CNTN2: variants seen among roughly 807,000 people sequenced by gnomAD.
CNTN2 encodes the protein contactin 2.
Under a neutral mutation model 117.5 loss-of-function variants are expected in CNTN2, and 53 were observed. The ratio of observed to expected loss-of-function variants is 0.45; its 90% CI spans 0.36 to 0.57. The LOEUF is 0.57. Ranked by LOEUF, CNTN2 falls within the 20% of genes least tolerant of loss-of-function variation. CNTN2 has a pLI of 0.00. For missense variants in CNTN2, 1,106 were observed against 1,404.3 expected (o/e 0.79, Z 3.39); for synonymous variants, 530 against 561.7 (o/e 0.94, Z 0.80).
intron 10 of CNTN2, 83 bp downstream of exon 10, chr1:205,062,652 C>G (rs1273657970): frequency 6.8e-7 from 1 of 1,474,884 alleles, no homozygotes; most frequent in Non-Finnish European, 9.1e-7. Flanking sequence ...TGTTTCCAAA[C>G]ACACATGCAC....
intron 19 of CNTN2, among the ~76,000 whole-genome samples, chr1:205,071,647 C>T (rs1654598432): frequency 6.6e-6 from 1 of 152,190 alleles, no homozygotes; most frequent in East Asian, 1.9e-4. Flanking sequence ...CGGTAGCCCC[C>T]CAAGTTAATG....
intron 10 of CNTN2, chr1:205,063,232 T>C (rs1268588515): frequency 6.6e-6 from 1 of 152,208 alleles, no homozygotes; most frequent in African/African-American, 2.4e-5. Flanking sequence ...AAAGATACGG[T>C]CTCTGCCTTT....
In CNTN2 at chr1:205,065,965, T is replaced by G; in HGVS notation, c.1816+56T>G. On this transcript the variant is annotated intron_variant, in intron 14 of 22. Transcript: ENST00000331830. This position sits in a 1 kb window ranked among gnomAD's most constrained non-coding sequence, Gnocchi z 4.1. ...CAACTCCCTTAAAACCCAGCTGGGC[T>G]GTTCTGACCTGCTCGCCTCATCTCC... The G allele has an allele frequency of 6.5e-7, 1 of 1,539,850 alleles. No homozygotes were observed. The highest frequency in any genetic ancestry group is 1.3e-5 in the South Asian group (1 of 78,584).
intron 21 of CNTN2, 70 bp from the exon 22 acceptor site, chr1:205,072,998 T>G: frequency 1.3e-6 from 2 of 1,553,344 alleles, no homozygotes; most frequent in Non-Finnish European, 1.8e-6. Flanking sequence ...TCCCAGTACC[T>G]AAAGCTGGGG....
chr1:205,053,063 C>G (rs16855008), intron 1 of CNTN2, 37 bp from the exon 2 acceptor site: 35,339 of 634,654 alleles, frequency 0.056, 1,729 homozygotes, highest in South Asian at 0.16. Context: ...AGGGGCGCTC[C>G]TCGGCTCAGA....
intron 1 of CNTN2, among the ~76,000 whole-genome samples, chr1:205,047,177 C>T (rs1336004004): frequency 2.0e-5 from 3 of 152,186 alleles, no homozygotes; most frequent in Admixed American, 2.0e-4. Context: ...CACGACACCC[C>T]TGGTCCCCAT....
At chr1:205,063,097 A>G (rs1654077974) in intron 10 of CNTN2, 1 of 152,314 alleles carries the variant, frequency 6.6e-6, no homozygotes, top group Non-Finnish European at 1.5e-5. Context: ...CAGTTTCCTC[A>G]TCCATAAAAT....
intron 9 of CNTN2, chr1:205,062,233 T>C: frequency 1.2e-6 from 1 of 823,972 alleles, no homozygotes; most frequent in Non-Finnish European, 1.8e-6. Flanking sequence ...TGGTCCTGAC[T>C]GGGTCACCTC....
In CNTN2 at chr1:205,076,293, T is replaced by C. The variant is rs1654860542; in HGVS notation, c.*2528T>C. On this transcript the variant is annotated 3_prime_UTR_variant, in exon 23 of 23. Transcript: ENST00000331830. ...ATTTCAGGTAGAGTACTGACTAAGG[T>C]TTAATAAGACAATAGGTGACCTGAG... 1 of 152,046 alleles carries C rather than the reference T, an allele frequency of 6.6e-6. No individual in the cohort carries two copies. Among genetic ancestry groups the C allele is most frequent in the African/African-American group, 2.4e-5 (1 of 41,384 alleles). 9.4% of individuals were successfully genotyped at this position (152,046 alleles called of 1,614,324 possible).
In CNTN2 at chr1:205,064,635, T is replaced by G; in HGVS notation, c.1404T>G (p.Thr468=). ...ILVNSSRVTV[T]PDGTLIIRNI... is the part of the protein sequence containing the mutation. ...GTCCTTGCCACAGAGTGACTGTAAC[T>G]CCAGATGGCACCTTGATCATAAGAA... The change falls in exon 12 of 23, where the codon ACT becomes ACG. Residue 468 remains threonine (T), a synonymous_variant. Coordinates refer to ENST00000331830, the MANE Select transcript of CNTN2 (RefSeq NM_005076.5). 6.2e-7 allele frequency: 1 copy of G among 1,614,054 alleles called. No homozygotes were observed.
At chr1:205,066,067 C>A in intron 14 of CNTN2, 158 bp downstream of exon 14, 1 of 875,474 alleles carries the variant, frequency 1.1e-6, no homozygotes, top group Non-Finnish European at 1.7e-6. Context: ...TGGTTCTTCA[C>A]AGGTCCTAAA....
intron 1 of CNTN2, among the ~76,000 whole-genome samples, chr1:205,044,694 C>T (rs1394318007): frequency 6.6e-6 from 1 of 152,208 alleles, no homozygotes; most frequent in African/African-American, 2.4e-5. Context: ...CTCCGAGTCT[C>T]TCTACCTCCT....
At chr1:205,067,479 C>T (rs1375347975) in intron 16 of CNTN2, 1 of 435,866 alleles carries the variant, frequency 2.3e-6, no homozygotes, top group African/African-American at 2.0e-5. Flanking sequence ...CTTACAACTG[C>T]ATGTGCATCT....
chr1:205,073,266 C>G lies in CNTN2; in HGVS notation c.3013+30C>G. 1.9e-6 allele frequency: 3 copies of G among 1,608,450 alleles called. No homozygotes were observed. Among genetic ancestry groups the G allele is most frequent in the Non-Finnish European group, 2.6e-6 (3 of 1,176,446 alleles). On this transcript the variant is annotated intron_variant, in intron 22 of 22. Coordinates refer to ENST00000331830, the MANE Select transcript of CNTN2 (RefSeq NM_005076.5). This position sits in a 1 kb window ranked among gnomAD's most constrained non-coding sequence, Gnocchi z 6.3. Reference sequence around the variant, plus strand: ...TGCTCCTCCCCTACCCTTATCCCCTCGAGAGATTCAGGATCCACCCAGATA... The same window carrying G: ...TGCTCCTCCCCTACCCTTATCCCCTGGAGAGATTCAGGATCCACCCAGATA...
At position 205,072,431 on chromosome 1, in the gene CNTN2, C is replaced by T. The variant is rs578161528; in HGVS notation, c.2732-52C>T. The T allele has an allele frequency of 8.1e-5, 120 of 1,479,500 alleles. No individual in the cohort carries two copies. The Admixed American group carries it at 1.9e-3, about 24-fold the overall frequency. The allele number at this position is 1,479,500 out of a possible 1,614,324, so 91.6% of individuals were successfully genotyped here. The stretch of plus-strand genomic sequence containing the variant: ...AGGGCTGGTTAAAGGTGAGGGGGTG[C>T]GGGGTGCCAGGGAAACGTTTGGACA... On this transcript the variant is annotated intron_variant, in intron 20 of 22. Transcript: ENST00000331830.
chr1:205,071,443 C>A (rs1423331593), intron 19 of CNTN2, among the ~76,000 whole-genome samples: 1 of 152,216 alleles, frequency 6.6e-6, no homozygotes, highest in Non-Finnish European at 1.5e-5. Context: ...ATAGCTTAGG[C>A]AAGCCACAGT....
intron 18 of CNTN2, 167 bp downstream of exon 18, chr1:205,070,228 C>A: frequency 2.6e-6 from 2 of 770,534 alleles, no homozygotes; most frequent in Non-Finnish European, 4.2e-6. Flanking sequence ...GCTACCTTGT[C>A]TCCCTTCGGG....
Position 205,074,553 on chromosome 1 carries a change from T to G in CNTN2, c.*788T>G. The G allele has an allele frequency of 2.5e-6, 1 of 398,310 alleles. No homozygotes were observed. Among genetic ancestry groups the G allele is most frequent in the Non-Finnish European group, 4.4e-6 (1 of 226,100 alleles). The allele number at this position is 398,310 out of a possible 1,614,324, so 24.7% of individuals were successfully genotyped here. Reference sequence around the variant, plus strand: ...GCCAACCTGACCCTGTCATCCCGATTGACAGCGCCACTTCAGGTGGCTGGG... The same window carrying G: ...GCCAACCTGACCCTGTCATCCCGATGGACAGCGCCACTTCAGGTGGCTGGG... On this transcript the variant is annotated 3_prime_UTR_variant, in exon 23 of 23. Coordinates refer to ENST00000331830, the MANE Select transcript of CNTN2 (RefSeq NM_005076.5).
At chr1:205,044,666 C>T (rs1455235787) in intron 1 of CNTN2, among the ~76,000 whole-genome samples, 3 of 152,216 alleles carry the variant, frequency 2.0e-5, no homozygotes, top group Non-Finnish European at 2.9e-5. Flanking sequence ...TGGCCAAAGA[C>T]GCCTCAGCTC....
Sources: allele counts gnomAD v4.1 joint callset (sites outside exome capture counted in the v4.1 genomes callset), GRCh38; gene constraint gnomAD v4.1.1; non-coding constraint Gnocchi (gnomAD v3.1); transcripts MANE v1.5; gene names NCBI Gene and HGNC (gene_info 2026-07-23, HGNC 2026-07-21).